The following PPP1R1A variants were observed in gnomAD, a reference collection of about 807,000 sequenced individuals.
PPP1R1A encodes the protein protein phosphatase 1 regulatory inhibitor subunit 1A.
A neutral mutation model predicts 23.9 loss-of-function variants in PPP1R1A; 18 were observed. That is an observed-to-expected ratio of 0.75 (90% CI 0.52 to 1.12). PPP1R1A has a LOEUF of 1.12. Ranked by LOEUF, PPP1R1A falls within the 50% of genes most tolerant of loss-of-function variation. The pLI is 0.00. For missense variants in PPP1R1A, 207 were observed against 223.8 expected, an observed-to-expected ratio of 0.92 and a Z score of 0.48; for synonymous variants, 84 against 80.7, an observed-to-expected ratio of 1.04 and a Z score of -0.22.
chr12:54,588,320 T>C, intron 1 of PPP1R1A, 85 bp downstream of exon 1: 26 of 901,644 alleles, frequency 2.9e-5, no homozygotes, highest in Non-Finnish European at 3.9e-5. Flanking sequence ...AAGGGAGGAC[T>C]AGGCAGGGAT....
chr12:54,582,488 G>A (rs924726244), intron 4 of PPP1R1A, among the ~76,000 whole-genome samples: 1 of 152,174 alleles, frequency 6.6e-6, no homozygotes, highest in Non-Finnish European at 1.5e-5. Context: ...CACTGTGCCG[G>A]TGAGTTCACA....
At chr12:54,587,664 CA>C (rs1375253346) in intron 1 of PPP1R1A, among the ~76,000 whole-genome samples, 3 of 152,156 alleles carry the variant, frequency 2.0e-5, no homozygotes, top group Non-Finnish European at 2.9e-5. Context: ...GCATATTGTT[CA>C]GCTTGGACCC....
chr12:54,588,384 C>T, intron 1 of PPP1R1A, 21 bp downstream of exon 1: 1 of 1,491,390 alleles, frequency 6.7e-7, no homozygotes, highest in Non-Finnish European at 9.0e-7. Flanking sequence ...GAGTGCCCTG[C>T]CGCCCCGCCC....
intron 2 of PPP1R1A, 113 bp from the exon 3 acceptor site, chr12:54,583,361 T>G: frequency 9.6e-7 from 1 of 1,046,544 alleles, no homozygotes; most frequent in Middle Eastern, 2.9e-4. Flanking sequence ...GATCTGTCCC[T>G]CACATCTGCC....
At chr12:54,582,197 C>G in intron 4 of PPP1R1A, 66 bp from the exon 5 acceptor site, 2 of 1,479,300 alleles carry the variant, frequency 1.4e-6, no homozygotes, top group Non-Finnish European at 1.8e-6. Flanking sequence ...TGTGGGCCTC[C>G]GGATTCAACA....
Position 54,588,569 on chromosome 12 carries a change from T to TCTCCG in PPP1R1A, c.-86_-82dup, listed in dbSNP as rs948057248. On this transcript the variant is annotated 5_prime_UTR_variant, in exon 1 of 7. Transcript: ENST00000257905. Reference sequence around the variant, plus strand: ...TCGGGGCTGGGGCGGGCGCGCTCCCTCTCCGCTCCGCTCCGGCCCCGGCCC... The same window carrying TCTCCG: ...TCGGGGCTGGGGCGGGCGCGCTCCCTCTCCGCTCCGCTCCGCTCCGGCCCCGGCCC... 170 of 826,320 alleles carry TCTCCG rather than the reference T, an allele frequency of 2.1e-4. 2 individuals carry two copies. Among genetic ancestry groups the TCTCCG allele is most frequent in the Non-Finnish European group, 2.5e-4 (153 of 622,268 alleles). The allele number at this position is 826,320 out of a possible 1,614,324, so 51.2% of individuals were successfully genotyped here.
chr12:54,585,184 G>A (rs760865254), intron 1 of PPP1R1A, among the ~76,000 whole-genome samples: 2 of 152,142 alleles, frequency 1.3e-5, no homozygotes, highest in Non-Finnish European at 2.9e-5. Context: ...TCTGTCCTTG[G>A]ATACATTGCC....
In PPP1R1A at chr12:54,584,313, C is replaced by T. The variant is rs1244602066; in HGVS notation, c.92G>A (p.Arg31Lys). The T allele has an allele frequency of 4.4e-6, 7 of 1,601,124 alleles. No individual in the cohort carries two copies. The highest frequency in any genetic ancestry group is 6.0e-6 in the Non-Finnish European group (7 of 1,174,386). The stretch of plus-strand genomic sequence containing the variant: ...GAGGGTGGCAGGGGTGGGGCGGCGC[C>T]TCCGAATCTGAGGGAAGGTGGGAAA... ...LDPEAAEQIRRRRPTPATLVL... is the reference protein window; with the variant it reads ...LDPEAAEQIRKRRPTPATLVL... Residue 31 changes from arginine (R) to lysine (K), a missense_variant, in exon 2 of 7, where the codon AGG becomes AAG. Arg to Lys is a conservative substitution (Grantham distance 26). Coordinates refer to ENST00000257905, the MANE Select transcript of PPP1R1A (RefSeq NM_006741.4).
intron 1 of PPP1R1A, among the ~76,000 whole-genome samples, chr12:54,586,296 A>G (rs1047695436): frequency 6.6e-6 from 1 of 152,220 alleles, no homozygotes; most frequent in African/African-American, 2.4e-5. Flanking sequence ...TGATACCCTT[A>G]CAGCAGGAAG....
intron 2 of PPP1R1A, 125 bp downstream of exon 2, chr12:54,584,135 C>T (rs1338710589): frequency 7.0e-6 from 7 of 1,001,574 alleles, no homozygotes; most frequent in Non-Finnish European, 1.1e-5. Flanking sequence ...ACCTTCCTGC[C>T]TTCAGTACTG....
rs747085538 is a variant in PPP1R1A at position 54,582,106 on chromosome 12, G to C, written c.273C>G (p.His91Gln). Residue 91 changes from histidine to glutamine, a missense_variant, in exon 5 of 7, where the codon CAC becomes CAG. Transcript: ENST00000257905. Reference sequence around the variant, plus strand: ...CCTCTCCTTGCTGCTGTTGCCCCAGGTGATGTTCAACCATCATCTGGAGCT... The same window carrying C: ...CCTCTCCTTGCTGCTGTTGCCCCAGCTGATGTTCAACCATCATCTGGAGCT... ...MKELQMMVEH[H>Q]LGQQQQGEEP... 6.2e-7 allele frequency: 1 copy of C among 1,613,656 alleles called. No individual in the cohort carries two copies. The highest frequency in any genetic ancestry group is 8.5e-7 in the Non-Finnish European group (1 of 1,179,750).
rs1957855983 is a variant in PPP1R1A at position 54,581,521 on chromosome 12, A to G, written c.403+455T>C. Among the ~76,000 whole-genome samples the G allele has an allele frequency of 6.6e-6, 1 of 152,230 alleles. No individual in the cohort carries two copies. The highest frequency in any genetic ancestry group is 2.4e-5 in the African/African-American group (1 of 41,450). Reference sequence around the variant, plus strand: ...ATAAGGGACATAGCGCACTGCTACCAGCTTCCACTTATTGCATGCTCTGTG... The same window carrying G: ...ATAAGGGACATAGCGCACTGCTACCGGCTTCCACTTATTGCATGCTCTGTG... On this transcript the variant is annotated intron_variant, in intron 5 of 6. Coordinates refer to ENST00000257905, the MANE Select transcript of PPP1R1A (RefSeq NM_006741.4). This position sits in a 1 kb window ranked among gnomAD's most constrained non-coding sequence, Gnocchi z 4.1.
intron 2 of PPP1R1A, among the ~76,000 whole-genome samples, chr12:54,583,811 C>T (rs946544711): frequency 1.3e-5 from 2 of 152,164 alleles, no homozygotes; most frequent in East Asian, 3.9e-4. Flanking sequence ...TGTTTTCTCC[C>T]CAGACCTCGA....
Position 54,583,205 on chromosome 12 carries a change from G to A in PPP1R1A, c.183+6C>T. 2 of 1,550,894 alleles carry A rather than the reference G, an allele frequency of 1.3e-6. No individual in the cohort carries two copies. The highest frequency in any genetic ancestry group is 8.7e-7 in the Non-Finnish European group (1 of 1,153,658). On this transcript the variant is annotated splice_donor_region_variant and intron_variant, in intron 3 of 6. Coordinates refer to ENST00000257905, the MANE Select transcript of PPP1R1A (RefSeq NM_006741.4). Reference sequence around the variant, plus strand: ...GGGCTGGGCTTAGTGGGATGGGCCAGCTCACCTTGAGATGTGGGTTGGGGA... The same window carrying A: ...GGGCTGGGCTTAGTGGGATGGGCCAACTCACCTTGAGATGTGGGTTGGGGA...
In PPP1R1A at chr12:54,580,331, C is replaced by A; in HGVS notation, c.*56G>T. 6.2e-7 allele frequency: 1 copy of A among 1,609,826 alleles called. No individual in the cohort carries two copies. Among genetic ancestry groups the A allele is most frequent in the Non-Finnish European group, 8.5e-7 (1 of 1,178,276 alleles). On this transcript the variant is annotated 3_prime_UTR_variant, in exon 7 of 7. Transcript: ENST00000257905. Reference sequence around the variant, plus strand: ...AAAAGTGAAGGAATAAGAAACAAATCCGGTGTCCATGCATTCCCAAACTGC... The same window carrying A: ...AAAAGTGAAGGAATAAGAAACAAATACGGTGTCCATGCATTCCCAAACTGC...
rs768589269 is a variant in PPP1R1A, at chr12:54,582,141, C to T, written c.248-10G>A. ...ACCATCATCTGGAGCTCTGGGGACACAGAGAAAGGGAGGGAACACTGGATA... is the reference window on the plus strand; with the variant it reads ...ACCATCATCTGGAGCTCTGGGGACATAGAGAAAGGGAGGGAACACTGGATA... On this transcript the variant is annotated splice_polypyrimidine_tract_variant and intron_variant, in intron 4 of 6. Transcript: ENST00000257905. 1 of 1,609,920 alleles carries T rather than the reference C, an allele frequency of 6.2e-7. No homozygotes were observed. Among genetic ancestry groups the T allele is most frequent in the Non-Finnish European group, 8.5e-7 (1 of 1,177,932 alleles).
rs969834613 is a variant in PPP1R1A, at chr12:54,579,400, C to T, written c.*987G>A. 38 of 985,102 alleles carry T rather than the reference C, an allele frequency of 3.9e-5. No individual in the cohort carries two copies. In the African/African-American group the frequency reaches 4.2e-4, roughly 11 times the overall value. 61.0% of individuals were successfully genotyped at this position (985,102 alleles called of 1,614,324 possible). On this transcript the variant is annotated 3_prime_UTR_variant, in exon 7 of 7. Coordinates refer to ENST00000257905, the MANE Select transcript of PPP1R1A (RefSeq NM_006741.4). ...CAAGCTGAGGCCCAGGAGGAGGCCC[C>T]GAGGGCTCATAGTAGCTGCATGGCA...
In PPP1R1A at chr12:54,581,811, A is replaced by T. The variant is rs1957857987; in HGVS notation, c.403+165T>A. On this transcript the variant is annotated intron_variant, in intron 5 of 6. Transcript: ENST00000257905. The surrounding 1 kb of genome is among the most constrained non-coding windows in gnomAD (Gnocchi z 4.1). ...CTCAGTAAGGAAAAGTGAAGATTCA[A>T]ATATATGCCGAACATGCCAACAGAT... Among the ~76,000 whole-genome samples the T allele has an allele frequency of 6.6e-6, 1 of 152,202 alleles. No homozygotes were observed. Among genetic ancestry groups the T allele is most frequent in the Admixed American group, 6.5e-5 (1 of 15,280 alleles).
chr12:54,584,005 A>G (rs1398054609), intron 2 of PPP1R1A, among the ~76,000 whole-genome samples: 1 of 152,184 alleles, frequency 6.6e-6, no homozygotes, highest in Admixed American at 6.5e-5. Context: ...TTGTCGCAGC[A>G]ACCAGCACTC....
Sources: gnomAD v4.1 joint callset for allele counts (sites outside exome capture counted in the v4.1 genomes callset) on GRCh38, gnomAD v4.1.1 for gene constraint, Gnocchi (gnomAD v3.1) non-coding constraint, MANE v1.5 for transcripts, NCBI Gene and HGNC (gene_info 2026-07-23, HGNC 2026-07-21) for gene names.